The following BAIAP2L1 variants were observed in gnomAD, a reference collection of about 807,000 sequenced individuals.
The protein encoded by BAIAP2L1 is BAR/IMD domain-containing adapter protein 2-like 1.
A neutral mutation model predicts 66.3 loss-of-function variants in BAIAP2L1; 35 were observed. The observed-to-expected ratio is 0.53, with a 90% CI of 0.40 to 0.70. The LOEUF (loss-of-function observed/expected upper bound fraction) is 0.70, where lower values mean the gene tolerates loss of function less well. Ranked by LOEUF, BAIAP2L1 falls within the 30% of genes least tolerant of loss-of-function variation. The pLI is 0.00. For missense variants in BAIAP2L1, 622 were observed against 656.9 expected (o/e 0.95, Z 0.58); for synonymous variants, 269 against 248.7 (o/e 1.08, Z -0.77).
intron 3 of BAIAP2L1, among the ~76,000 whole-genome samples, chr7:98,337,392 C>G (rs768235747): frequency 6.6e-6 from 1 of 152,170 alleles, no homozygotes; most frequent in Non-Finnish European, 1.5e-5. Flanking sequence ...CCATCACGCT[C>G]AGCTAATTTT....
At chr7:98,316,504 C>A (rs1481619005) in intron 6 of BAIAP2L1, among the ~76,000 whole-genome samples, 1 of 152,150 alleles carries the variant, frequency 6.6e-6, no homozygotes, top group African/African-American at 2.4e-5. Flanking sequence ...GCCTTCAGCT[C>A]TCAGTCAAAA....
chr7:98,293,682 T>A, intron 13 of BAIAP2L1, 86 bp from the exon 14 acceptor site: 1 of 1,337,212 alleles, frequency 7.5e-7, no homozygotes. Context: ...GTTCTTGCCC[T>A]GTGAGACTGG....
intron 1 of BAIAP2L1, among the ~76,000 whole-genome samples, chr7:98,380,942 C>G (rs913996255): frequency 1.3e-5 from 2 of 151,734 alleles, no homozygotes; most frequent in East Asian, 3.9e-4. Flanking sequence ...TGGTCTCTAA[C>G]TAGCCTGCCC....
chr7:98,382,411 C>T (rs982212725), intron 1 of BAIAP2L1, among the ~76,000 whole-genome samples: 1 of 151,890 alleles, frequency 6.6e-6, no homozygotes, highest in African/African-American at 2.4e-5. Context: ...TTTGGGAAGC[C>T]AAGGCAGGAG....
chr7:98,349,181 C>G (rs978094105), intron 3 of BAIAP2L1, among the ~76,000 whole-genome samples: 1 of 152,192 alleles, frequency 6.6e-6, no homozygotes, highest in Non-Finnish European at 1.5e-5. Flanking sequence ...GTGACAGCTA[C>G]GTTTACCCTT....
At chr7:98,388,983 A>C (rs940130502) in intron 1 of BAIAP2L1, among the ~76,000 whole-genome samples, 5 of 125,364 alleles carry the variant, frequency 4.0e-5, no homozygotes, top group African/African-American at 1.3e-4. Flanking sequence ...AAAAAAAAAA[A>C]ACAAAAAACA....
intron 2 of BAIAP2L1, among the ~76,000 whole-genome samples, chr7:98,361,416 G>A (rs1802269454): frequency 6.6e-6 from 1 of 152,038 alleles, no homozygotes; most frequent in Admixed American, 6.6e-5. Flanking sequence ...AACTTGATCT[G>A]AAGCTGCCTT....
At chr7:98,311,480 A>G (rs541679734) in intron 8 of BAIAP2L1, among the ~76,000 whole-genome samples, 4 of 151,856 alleles carry the variant, frequency 2.6e-5, no homozygotes, top group African/African-American at 9.6e-5. Flanking sequence ...GACGGAGCCT[A>G]CAGTGAGCCG....
Position 98,291,678 on chromosome 7 carries a change from G to A in BAIAP2L1, c.*1843C>T. The stretch of plus-strand genomic sequence containing the variant: ...TTTCAAGTTCTGCTTTATTATTAAA[G>A]TTGTAATCCCTTGATATTTACAGAG... On this transcript the variant is annotated 3_prime_UTR_variant, in exon 14 of 14. Coordinates refer to ENST00000005260, the MANE Select transcript of BAIAP2L1 (RefSeq NM_018842.5). The A allele has an allele frequency of 3.4e-6, 1 of 291,792 alleles. No individual in the cohort carries two copies. The highest frequency in any genetic ancestry group is 5.2e-6 in the Non-Finnish European group (1 of 190,834). 18.1% of individuals were successfully genotyped at this position (291,792 alleles called of 1,614,324 possible).
intron 2 of BAIAP2L1, 79 bp from the exon 3 acceptor site, chr7:98,355,207 C>A: frequency 1.0e-6 from 1 of 971,892 alleles, no homozygotes. Context: ...TTCCAAACAC[C>A]CCCTGGTCCC....
In BAIAP2L1 at chr7:98,374,990, GGGA is replaced by G. The variant is rs1365275590; in HGVS notation, c.52-12561_52-12559del. Among the ~76,000 whole-genome samples, 11 of 152,122 alleles carry G rather than the reference GGGA, an allele frequency of 7.2e-5. No individual in the cohort carries two copies. In the South Asian group the frequency reaches 1.0e-3, roughly 14 times the overall value. The stretch of plus-strand genomic sequence containing the variant: ...TGGTCCTGGCTACTTGGGAGGCTGA[GGGA>G]GGAGAAGTGCTTGACCCCAGGAGGC... On this transcript the variant is annotated intron_variant, in intron 1 of 13. Coordinates refer to ENST00000005260, the MANE Select transcript of BAIAP2L1 (RefSeq NM_018842.5).
At chr7:98,306,392 G>T in intron 11 of BAIAP2L1, 47 bp downstream of exon 11, 1 of 1,602,708 alleles carries the variant, frequency 6.2e-7, no homozygotes, top group South Asian at 1.1e-5. Context: ...GAAACGACAA[G>T]GCAGGGGTTT....
intron 1 of BAIAP2L1, among the ~76,000 whole-genome samples, chr7:98,384,693 C>CTTTTT (rs11413562): frequency 4.9e-4 from 58 of 118,776 alleles, no homozygotes; most frequent in East Asian, 8.4e-4. Flanking sequence ...ATCATTCTAC[C>CTTTTT]TTTTTTTTTT....
chr7:98,312,571 G>A (rs1192751331), intron 7 of BAIAP2L1, among the ~76,000 whole-genome samples: 2 of 152,176 alleles, frequency 1.3e-5, no homozygotes, highest in African/African-American at 4.8e-5. Flanking sequence ...GAGGGAGGGA[G>A]CAATCTGTAT....
Position 98,315,453 on chromosome 7 carries a change from C to T in BAIAP2L1, c.639+7G>A. The stretch of plus-strand genomic sequence containing the variant: ...ATACGCTCAAGGCAATTTGCCACCA[C>T]ACCCACCTGTAAGTGATAATAATGT... On this transcript the variant is annotated splice_region_variant and intron_variant, in intron 7 of 13. Transcript: ENST00000005260. 1.4e-6 allele frequency: 2 copies of T among 1,418,764 alleles called. No individual in the cohort carries two copies. The highest frequency in any genetic ancestry group is 3.4e-5 in the South Asian group (2 of 59,530). The allele number at this position is 1,418,764 out of a possible 1,614,324, so 87.9% of individuals were successfully genotyped here. A position where few individuals can be genotyped will look rare whatever the true frequency, so the allele number is the denominator to read the frequency against.
chr7:98,326,258 C>T (rs529788443), intron 3 of BAIAP2L1, among the ~76,000 whole-genome samples: 1 of 152,290 alleles, frequency 6.6e-6, no homozygotes, highest in African/African-American at 2.4e-5. Context: ...GCCTGGGCAA[C>T]AGAGCAAGGC....
At chr7:98,333,636 CA>C (rs1437549993) in intron 3 of BAIAP2L1, among the ~76,000 whole-genome samples, 2 of 152,040 alleles carry the variant, frequency 1.3e-5, no homozygotes, top group Admixed American at 1.3e-4. Flanking sequence ...TAAATGAGCA[CA>C]CTGGTATTTA....
intron 12 of BAIAP2L1, among the ~76,000 whole-genome samples, chr7:98,303,170 C>T (rs1800495899): frequency 1.3e-5 from 2 of 152,190 alleles, no homozygotes; most frequent in Admixed American, 1.3e-4. Flanking sequence ...GGCAGGTCTA[C>T]GTTCCCAGAC....
intron 2 of BAIAP2L1, among the ~76,000 whole-genome samples, chr7:98,356,297 CT>C (rs1802116441): frequency 6.6e-6 from 1 of 152,026 alleles, no homozygotes; most frequent in Non-Finnish European, 1.5e-5. Flanking sequence ...GAGACCCAGC[CT>C]GGTTAGTGTA....
Sources: gnomAD v4.1 joint callset for allele counts (sites outside exome capture counted in the v4.1 genomes callset) on GRCh38, gnomAD v4.1.1 for gene constraint, MANE v1.5 for transcripts, NCBI Gene and HGNC (gene_info 2026-07-23, HGNC 2026-07-21) for gene names.